The following KCNIP4 variants were observed in gnomAD, a reference collection of about 807,000 sequenced individuals.
The protein encoded by KCNIP4 is Kv channel-interacting protein 4.
A neutral mutation model predicts 34.0 loss-of-function variants in KCNIP4; 12 were observed. The observed-to-expected ratio is 0.35, with a 90% CI of 0.23 to 0.57. KCNIP4 has a LOEUF of 0.57. Among genes scored for constraint, KCNIP4 ranks in the 20% least tolerant of loss-of-function variants. KCNIP4 has a pLI of 0.83. For synonymous variants in KCNIP4, 124 were observed against 102.2 expected (o/e 1.21, Z -1.29); for missense variants, 238 against 311.7 (o/e 0.76, Z 1.78).
intron 1 of KCNIP4, among the ~76,000 whole-genome samples, chr4:21,810,862 A>T (rs1721608395): frequency 6.6e-6 from 1 of 152,138 alleles, no homozygotes; most frequent in African/African-American, 2.4e-5. Flanking sequence ...AGACAAAAAA[A>T]CTCTTGAGTA....
chr4:21,873,385 A>T (rs1725919650), intron 1 of KCNIP4, among the ~76,000 whole-genome samples: 1 of 152,210 alleles, frequency 6.6e-6, no homozygotes. Context: ...TACAGAACTC[A>T]TTTCTGCTGA....
chr4:20,779,583 C>A (rs1398706619), intron 3 of KCNIP4, among the ~76,000 whole-genome samples: 4 of 133,780 alleles, frequency 3.0e-5, no homozygotes, highest in South Asian at 2.4e-4. Context: ...ACAACCCCCC[C>A]CCCCCACACA....
intron 1 of KCNIP4, among the ~76,000 whole-genome samples, chr4:21,081,867 G>A (rs1234592111): frequency 6.6e-6 from 1 of 151,730 alleles, no homozygotes; most frequent in African/African-American, 2.4e-5. Flanking sequence ...ACATTAAGAT[G>A]TAGACGACAA....
At chr4:20,857,066 T>A (rs1487693535) in intron 2 of KCNIP4, among the ~76,000 whole-genome samples, 1 of 150,136 alleles carries the variant, frequency 6.7e-6, no homozygotes, top group Non-Finnish European at 1.5e-5. Context: ...AAAAACGCCC[T>A]TGAAGTGTCT....
At chr4:21,248,704 T>G (rs142855390) in intron 1 of KCNIP4, among the ~76,000 whole-genome samples, 37 of 152,310 alleles carry the variant, frequency 2.4e-4, no homozygotes, top group African/African-American at 8.4e-4. Context: ...CTTGCTACCA[T>G]GTACCATTTT....
At chr4:21,665,530 A>C (rs561786524) in intron 1 of KCNIP4, among the ~76,000 whole-genome samples, 2 of 137,466 alleles carry the variant, frequency 1.5e-5, no homozygotes, top group South Asian at 5.4e-4. Context: ...CCCTCATTTT[A>C]TACATGTATT....
At position 20,803,470 on chromosome 4, in the gene KCNIP4, CAAAAAAAAAAAAAAAAA is replaced by C. The variant is rs551176038; in HGVS notation, c.289-44597_289-44581del. On this transcript the variant is annotated intron_variant, in intron 3 of 8. Transcript: ENST00000382152. The stretch of plus-strand genomic sequence containing the variant: ...GAACATGGCAAAACCTCATCTTTAC[CAAAAAAAAAAAAAAAAA>C]AAAAAAAAAAAAAAAAAAAATTAGC... Among the ~76,000 whole-genome samples the C allele has an allele frequency of 1.1e-3, 92 of 85,896 alleles. 1 individual carries two copies. The highest frequency in any genetic ancestry group is 3.3e-3 in the African/African-American group (64 of 19,426). 56.4% of individuals were successfully genotyped at this position (85,896 alleles called of 152,430 possible). A position where few individuals can be genotyped will look rare whatever the true frequency, so the allele number is the denominator to read the frequency against.
chr4:21,936,749 T>C lies in KCNIP4; in HGVS notation c.61+11822A>G, dbSNP rs142247774. On this transcript the variant is annotated intron_variant, in intron 1 of 8. Coordinates refer to ENST00000382152, the MANE Select transcript of KCNIP4 (RefSeq NM_025221.6). ...CTTAGCCACCAATCCTCACCTTCCATTAATGTTCTGCAGCAGTTCATTCTA... is the reference window on the plus strand; with the variant it reads ...CTTAGCCACCAATCCTCACCTTCCACTAATGTTCTGCAGCAGTTCATTCTA... 9.4e-3 allele frequency among the ~76,000 whole-genome samples: 1,433 copies of C among 152,242 alleles called. 16 individuals are homozygous for C. Among genetic ancestry groups the C allele is most frequent in the South Asian group, 0.026 (126 of 4,830 alleles).
At chr4:21,530,137 G>A (rs1736556329) in intron 1 of KCNIP4, among the ~76,000 whole-genome samples, 1 of 152,012 alleles carries the variant, frequency 6.6e-6, no homozygotes, top group African/African-American at 2.4e-5. Context: ...ATAGGGAAAG[G>A]GCAAGTTTCT....
At chr4:21,541,180 CAAAAAAA>C (rs60459395) in intron 1 of KCNIP4, among the ~76,000 whole-genome samples, 3 of 107,500 alleles carry the variant, frequency 2.8e-5, no homozygotes, top group African/African-American at 6.8e-5. Context: ...CAAAAGAAAA[CAAAAAAA>C]AAAAAAAAAA....
At chr4:21,217,094 T>C (rs1286530213) in intron 1 of KCNIP4, among the ~76,000 whole-genome samples, 1 of 152,216 alleles carries the variant, frequency 6.6e-6, no homozygotes, top group Non-Finnish European at 1.5e-5. Flanking sequence ...AAGTAGATGT[T>C]ATTGTATCTC....
chr4:21,343,798 G>T (rs895684557), intron 1 of KCNIP4, among the ~76,000 whole-genome samples: 1 of 152,014 alleles, frequency 6.6e-6, no homozygotes, highest in African/African-American at 2.4e-5. Flanking sequence ...AAACTTATAG[G>T]CAGGAAGAAA....
At chr4:21,346,197 T>TTC (rs369052515) in intron 1 of KCNIP4, among the ~76,000 whole-genome samples, 3 of 2,492 alleles carry the variant, frequency 1.2e-3, no homozygotes, top group East Asian at 8.8e-3. Flanking sequence ...ATATATAGAA[T>TTC]TATATATATA....
At chr4:21,468,488 G>A (rs1730180486) in intron 1 of KCNIP4, among the ~76,000 whole-genome samples, 1 of 152,098 alleles carries the variant, frequency 6.6e-6, no homozygotes, top group Admixed American at 6.6e-5. Flanking sequence ...ATTACGCGGC[G>A]GACCCAAGTT....
At chr4:21,465,561 T>C (rs919253563) in intron 1 of KCNIP4, among the ~76,000 whole-genome samples, 1 of 152,172 alleles carries the variant, frequency 6.6e-6, no homozygotes, top group Non-Finnish European at 1.5e-5. Context: ...GCTAATTTTG[T>C]TGATATATCT....
chr4:21,938,614 C>A lies in KCNIP4; in HGVS notation c.61+9957G>T, dbSNP rs1730022848. 2.0e-5 allele frequency among the ~76,000 whole-genome samples: 3 copies of A among 152,180 alleles called. No individual in the cohort carries two copies. The South Asian group carries it at 6.2e-4, about 32-fold the overall frequency. On this transcript the variant is annotated intron_variant, in intron 1 of 8. Coordinates refer to ENST00000382152, the MANE Select transcript of KCNIP4 (RefSeq NM_025221.6). ...AAAACTACTATCACTCAATAACAAACCATGTGATTATGATAGATTTACTGT... is the reference window on the plus strand; with the variant it reads ...AAAACTACTATCACTCAATAACAAAACATGTGATTATGATAGATTTACTGT...
At chr4:21,890,539 T>C (rs1330772389) in intron 1 of KCNIP4, among the ~76,000 whole-genome samples, 1 of 152,062 alleles carries the variant, frequency 6.6e-6, no homozygotes, top group Non-Finnish European at 1.5e-5. Context: ...ATGAGAATGT[T>C]ATAAATCACA....
At chr4:21,344,122 A>C (rs1035396263) in intron 1 of KCNIP4, among the ~76,000 whole-genome samples, 4 of 152,196 alleles carry the variant, frequency 2.6e-5, no homozygotes, top group African/African-American at 9.6e-5. Context: ...ACAAAGGACT[A>C]TAAGTACAGT....
chr4:21,303,190 A>T (rs1427640973), intron 1 of KCNIP4, among the ~76,000 whole-genome samples: 1 of 152,200 alleles, frequency 6.6e-6, no homozygotes, highest in Non-Finnish European at 1.5e-5. Context: ...ATGAACATAA[A>T]CAGCAATACT....
Sources: gnomAD v4.1 joint callset for allele counts (sites outside exome capture counted in the v4.1 genomes callset) on GRCh38, gnomAD v4.1.1 for gene constraint, MANE v1.5 for transcripts, NCBI Gene and HGNC (gene_info 2026-07-23, HGNC 2026-07-21) for gene names.